Variants in SUCLG2 observed in about 807,000 individuals in gnomAD.
SUCLG2 encodes the protein succinate--CoA ligase [GDP-forming] subunit beta, mitochondrial.
SUCLG2 carries 42 observed loss-of-function variants against 47.9 expected under a neutral mutation model. That is an observed-to-expected ratio of 0.88 (90% CI 0.69 to 1.14). The LOEUF (loss-of-function observed/expected upper bound fraction) is 1.14, where lower values mean the gene tolerates loss of function less well. SUCLG2 is among the 50% of genes most tolerant of loss of function. The probability of loss-of-function intolerance (pLI) is 0.00; values close to 1 mark genes in which losing one functional copy is unlikely to be tolerated. For missense variants in SUCLG2, 571 were observed against 525.9 expected, an observed-to-expected ratio of 1.09 and a Z score of -0.84; for synonymous variants, 195 against 197.3, an observed-to-expected ratio of 0.99 and a Z score of 0.10.
At chr3:67,570,419 T>A (rs1376917924) in intron 2 of SUCLG2, among the ~76,000 whole-genome samples, 1 of 152,236 alleles carries the variant, frequency 6.6e-6, no homozygotes, top group East Asian at 1.9e-4. Flanking sequence ...AAGGGTGGTC[T>A]GGCTTTTGTC....
chr3:67,390,742 G>C (rs1387659590), intron 10 of SUCLG2, among the ~76,000 whole-genome samples: 1 of 151,900 alleles, frequency 6.6e-6, no homozygotes, highest in African/African-American at 2.4e-5. Flanking sequence ...AAACTGTTGA[G>C]AAATGTACAT....
intron 2 of SUCLG2, among the ~76,000 whole-genome samples, chr3:67,586,747 A>G (rs1575798052): frequency 6.6e-6 from 1 of 152,210 alleles, no homozygotes; most frequent in African/African-American, 2.4e-5. Flanking sequence ...GGACAGGTGG[A>G]GGTTCCAATT....
intron 10 of SUCLG2, among the ~76,000 whole-genome samples, chr3:67,382,108 A>T (rs1382956757): frequency 2.0e-5 from 3 of 152,234 alleles, no homozygotes. Context: ...AGTTTTTTAA[A>T]AAAGAATACA....
chr3:67,482,978 G>GA (rs943414344), intron 9 of SUCLG2, among the ~76,000 whole-genome samples: 1 of 152,092 alleles, frequency 6.6e-6, no homozygotes, highest in Non-Finnish European at 1.5e-5. Flanking sequence ...AACAATTAAT[G>GA]AAAAAACCCA....
intron 10 of SUCLG2, among the ~76,000 whole-genome samples, chr3:67,390,363 C>T (rs184271314): frequency 2.3e-4 from 35 of 152,264 alleles, no homozygotes; most frequent in Middle Eastern, 6.8e-3. Context: ...TCAAATCAGG[C>T]TTGATGTAGT....
At chr3:67,383,943 A>C (rs1274845628) in intron 10 of SUCLG2, among the ~76,000 whole-genome samples, 1 of 152,174 alleles carries the variant, frequency 6.6e-6, no homozygotes, top group African/African-American at 2.4e-5. Flanking sequence ...ATGTGAATTT[A>C]CCTTTCATGC....
At chr3:67,532,229 G>A (rs1308670644) in intron 2 of SUCLG2, among the ~76,000 whole-genome samples, 8 of 152,100 alleles carry the variant, frequency 5.3e-5, no homozygotes, top group African/African-American at 1.9e-4. Flanking sequence ...TCTGCCTCCC[G>A]GGTTCAAGCG....
At chr3:67,651,826 C>A (rs1461466458) in intron 1 of SUCLG2, among the ~76,000 whole-genome samples, 2 of 152,214 alleles carry the variant, frequency 1.3e-5, no homozygotes, top group Non-Finnish European at 2.9e-5. Context: ...CTCTGATCAT[C>A]CAGTCTAAAC....
intron 9 of SUCLG2, among the ~76,000 whole-genome samples, chr3:67,486,304 A>C (rs1173635502): frequency 1.3e-5 from 2 of 152,138 alleles, no homozygotes; most frequent in Admixed American, 6.6e-5. Context: ...AGAAAGAAGA[A>C]GGAAAGAAAG....
At chr3:67,562,347 G>T (rs557984217) in intron 2 of SUCLG2, among the ~76,000 whole-genome samples, 1 of 151,546 alleles carries the variant, frequency 6.6e-6, no homozygotes, top group Non-Finnish European at 1.5e-5. Context: ...GTGCCATCTC[G>T]GCTCATTGCA....
intron 2 of SUCLG2, among the ~76,000 whole-genome samples, chr3:67,596,681 C>T (rs1398274477): frequency 1.3e-5 from 2 of 152,158 alleles, no homozygotes; most frequent in Non-Finnish European, 2.9e-5. Flanking sequence ...ACCTCAGTAC[C>T]TGATTATTTC....
intron 9 of SUCLG2, among the ~76,000 whole-genome samples, chr3:67,452,617 C>T (rs909801631): frequency 6.6e-5 from 10 of 152,194 alleles, no homozygotes. Context: ...AAACAATCCA[C>T]ATCCAGTTTA....
chr3:67,447,276 G>C (rs990074183), intron 9 of SUCLG2, among the ~76,000 whole-genome samples: 4 of 152,082 alleles, frequency 2.6e-5, no homozygotes, highest in Admixed American at 2.0e-4. Flanking sequence ...TGACTATAAA[G>C]TTGAACCCCA....
At chr3:67,551,155 T>C (rs1707003944) in intron 2 of SUCLG2, among the ~76,000 whole-genome samples, 1 of 152,182 alleles carries the variant, frequency 6.6e-6, no homozygotes, top group Non-Finnish European at 1.5e-5. Flanking sequence ...TCATGGTTGA[T>C]GAGATGGTTG....
intron 9 of SUCLG2, among the ~76,000 whole-genome samples, chr3:67,443,104 G>T (rs545823030): frequency 6.6e-6 from 1 of 152,288 alleles, no homozygotes; most frequent in South Asian, 2.1e-4. Flanking sequence ...CAAGTACATT[G>T]TATGAGGTAT....
chr3:67,491,230 G>GAAA (rs533129424), intron 9 of SUCLG2, among the ~76,000 whole-genome samples: 16 of 64,182 alleles, frequency 2.5e-4, no homozygotes, highest in Non-Finnish European at 4.3e-4. Context: ...TAAGTCAGAA[G>GAAA]AAAAAAAAAA....
chr3:67,523,694 G>A (rs921317923), intron 4 of SUCLG2, among the ~76,000 whole-genome samples: 3 of 152,134 alleles, frequency 2.0e-5, no homozygotes, highest in Non-Finnish European at 2.9e-5. Flanking sequence ...TTCTCTAGAA[G>A]AGAAAGCTGT....
chr3:67,452,502 C>T (rs1304331610), intron 9 of SUCLG2, among the ~76,000 whole-genome samples: 1 of 152,118 alleles, frequency 6.6e-6, no homozygotes, highest in Non-Finnish European at 1.5e-5. Context: ...ACTAAGAATA[C>T]TTTTACTTCT....
chr3:67,458,125 G>A (rs1223170142), intron 9 of SUCLG2, among the ~76,000 whole-genome samples: 3 of 152,204 alleles, frequency 2.0e-5, no homozygotes, highest in East Asian at 1.9e-4. Context: ...GAAGAGGCCC[G>A]CCTTCCCAGA....
Sources: allele counts gnomAD v4.1 joint callset (sites outside exome capture counted in the v4.1 genomes callset), GRCh38; gene constraint gnomAD v4.1.1; transcripts MANE v1.5; gene names NCBI Gene and HGNC (gene_info 2026-07-23, HGNC 2026-07-21).